IPCEF1: variants seen among roughly 807,000 people sequenced by gnomAD.
The protein encoded by IPCEF1 is interaction protein for cytohesin exchange factors 1, also known as interactor protein for cytohesin exchange factors 1.
In IPCEF1, 31 loss-of-function variants were observed where a neutral mutation model predicts 50.9. The ratio of observed to expected loss-of-function variants is 0.61; its 90% confidence interval spans 0.46 to 0.82. IPCEF1 has a LOEUF of 0.82. Ranked by LOEUF, IPCEF1 falls within the 40% of genes least tolerant of loss-of-function variation. IPCEF1 has a pLI of 0.00. For missense variants in IPCEF1, 458 were observed against 514.0 expected (o/e 0.89, Z 1.05); for synonymous variants, 181 against 192.0 (o/e 0.94, Z 0.47).
chr6:154,228,319 A>C (rs904713988), intron 5 of IPCEF1, among the ~76,000 whole-genome samples: 8 of 144,192 alleles, frequency 5.5e-5, no homozygotes, highest in African/African-American at 1.6e-4. Context: ...AAAAAAAAAA[A>C]GTTTCCTCCA....
chr6:154,205,824 C>T (rs1207269126), intron 9 of IPCEF1, among the ~76,000 whole-genome samples: 1 of 151,974 alleles, frequency 6.6e-6, no homozygotes, highest in Admixed American at 6.5e-5. Context: ...TTGATTATTC[C>T]TTCCTTTCTA....
At chr6:154,170,208 G>T (rs12210360) in intron 10 of IPCEF1, among the ~76,000 whole-genome samples, 23,138 of 152,164 alleles carry the variant, frequency 0.15, 2,046 homozygotes, top group East Asian at 0.41. Flanking sequence ...GCTTGGGAAA[G>T]AAATACAATG....
Position 154,160,294 on chromosome 6 carries a change from G to GC in IPCEF1, c.1105-255dup, listed in dbSNP as rs370745593. Among the ~76,000 whole-genome samples the GC allele has an allele frequency of 7.4e-3, 1,120 of 152,302 alleles. 8 individuals carry two copies. Among genetic ancestry groups the GC allele is most frequent in the African/African-American group, 0.026 (1,069 of 41,556 alleles). ...ACATATAGCAAAGATCTTCTATGTT[G>GC]CCTTTCCCTGATCAATCCATTATTC... On this transcript the variant is annotated intron_variant, in intron 11 of 11. Transcript: ENST00000367220.
chr6:154,232,726 G>A lies in IPCEF1; in HGVS notation c.247-9483C>T, dbSNP rs181728529. Among the ~76,000 whole-genome samples, 496 of 152,244 alleles carry A rather than the reference G, an allele frequency of 3.3e-3. 1 individual carries two copies. Among genetic ancestry groups the A allele is most frequent in the Non-Finnish European group, 4.8e-3 (327 of 68,018 alleles). Reference sequence around the variant, plus strand: ...ATGTAAGCCACATACTCTGACATCCGAGGCAGAGTACTTAACCTCTCTGAG... The same window carrying A: ...ATGTAAGCCACATACTCTGACATCCAAGGCAGAGTACTTAACCTCTCTGAG... On this transcript the variant is annotated intron_variant, in intron 5 of 11. Transcript: ENST00000367220.
chr6:154,200,478 T>G (rs933037689), intron 9 of IPCEF1, among the ~76,000 whole-genome samples: 9 of 152,310 alleles, frequency 5.9e-5, no homozygotes, highest in Non-Finnish European at 1.2e-4. Context: ...CCCAGCACTT[T>G]GGAAGACCGA....
chr6:154,290,907 T>TTTTTTTTTTTTA (rs1782498588), intron 1 of IPCEF1, among the ~76,000 whole-genome samples: 1 of 150,568 alleles, frequency 6.6e-6, no homozygotes, highest in Non-Finnish European at 1.5e-5. Flanking sequence ...TTTTTTTTTT[T>TTTTTTTTTTTTA]GAGACAGAGT....
At chr6:154,221,220 C>T (rs371978965) in intron 7 of IPCEF1, 37 bp downstream of exon 7, 6 of 1,486,488 alleles carry the variant, frequency 4.0e-6, no homozygotes, top group Non-Finnish European at 5.6e-6. Flanking sequence ...AAGTATATTC[C>T]CATTAAGGAT....
intron 1 of IPCEF1, among the ~76,000 whole-genome samples, chr6:154,315,703 AT>A (rs560170925): frequency 5.3e-4 from 80 of 152,286 alleles, no homozygotes; most frequent in African/African-American, 1.9e-3. Flanking sequence ...TGGCCCTGAG[AT>A]ACCAATCCCC....
At chr6:154,312,508 G>T (rs564146506) in intron 1 of IPCEF1, among the ~76,000 whole-genome samples, 18 of 152,026 alleles carry the variant, frequency 1.2e-4, no homozygotes, top group Admixed American at 1.1e-3. Context: ...CACCACACCC[G>T]GCTAATTTTT....
intron 1 of IPCEF1, among the ~76,000 whole-genome samples, chr6:154,318,943 T>A (rs1210001198): frequency 1.3e-5 from 2 of 152,180 alleles, no homozygotes; most frequent in Non-Finnish European, 2.9e-5. Context: ...AGGATAAATG[T>A]GAATGTTTGT....
chr6:154,343,377 G>A (rs1374264078), intron 1 of IPCEF1, among the ~76,000 whole-genome samples: 1 of 152,158 alleles, frequency 6.6e-6, no homozygotes, highest in African/African-American at 2.4e-5. Flanking sequence ...TCAATTAGTG[G>A]AAAGAAGATG....
intron 9 of IPCEF1, among the ~76,000 whole-genome samples, chr6:154,206,258 T>C (rs528667423): frequency 5.9e-5 from 9 of 152,374 alleles, no homozygotes; most frequent in Admixed American, 4.6e-4. Context: ...CTTCCTCATT[T>C]GTAAAACTCA....
chr6:154,159,591 C>T lies in IPCEF1; in HGVS notation c.*237G>A, dbSNP rs1227480949. 2 of 520,974 alleles carry T rather than the reference C, an allele frequency of 3.8e-6. No individual in the cohort carries two copies. Among genetic ancestry groups the T allele is most frequent in the South Asian group, 5.0e-5 (2 of 40,182 alleles). 32.3% of individuals were successfully genotyped at this position (520,974 alleles called of 1,614,324 possible). ...TCACCGTGAGCTCCCAGTAGGAACA[C>T]AAAAAACGCCTTTCAACTGAACTCA... On this transcript the variant is annotated 3_prime_UTR_variant, in exon 12 of 12. Coordinates refer to ENST00000367220, the MANE Select transcript of IPCEF1 (RefSeq NM_001130700.2).
At chr6:154,161,325 A>C (rs9397691) in intron 11 of IPCEF1, among the ~76,000 whole-genome samples, 101,387 of 151,262 alleles carry the variant, frequency 0.67, 34,585 homozygotes, top group East Asian at 0.89. Flanking sequence ...ATTCTCCTGC[A>C]TCAACCTCCC....
intron 9 of IPCEF1, among the ~76,000 whole-genome samples, chr6:154,211,857 T>G (rs1777990598): frequency 6.6e-6 from 1 of 151,872 alleles, no homozygotes; most frequent in Non-Finnish European, 1.5e-5. Context: ...GAATAATAAA[T>G]TAAGAAATCC....
At chr6:154,296,688 GCA>G (rs1782668312) in intron 1 of IPCEF1, among the ~76,000 whole-genome samples, 2 of 151,982 alleles carry the variant, frequency 1.3e-5, no homozygotes, top group Non-Finnish European at 2.9e-5. Context: ...AATTAGCCAG[GCA>G]TGGTGGCGGG....
At chr6:154,348,217 T>G (rs2128700917) in intron 1 of IPCEF1, among the ~76,000 whole-genome samples, 1 of 152,282 alleles carries the variant, frequency 6.6e-6, no homozygotes. Flanking sequence ...GGCTCAAACC[T>G]TGCTCCACAG....
At chr6:154,239,852 T>G (rs1969518) in intron 5 of IPCEF1, among the ~76,000 whole-genome samples, 5,248 of 152,314 alleles carry the variant, frequency 0.034, 323 homozygotes, top group African/African-American at 0.12. Context: ...TACAGGCATA[T>G]CCACCACGCT....
In IPCEF1 at chr6:154,307,247, T is replaced by C. The variant is rs528869006; in HGVS notation, c.-61-17491A>G. Among the ~76,000 whole-genome samples, 4 of 152,234 alleles carry C rather than the reference T, an allele frequency of 2.6e-5. No individual in the cohort carries two copies. The South Asian group carries it at 8.3e-4, about 32-fold the overall frequency. On this transcript the variant is annotated intron_variant, in intron 1 of 11. Transcript: ENST00000367220. Reference sequence around the variant, plus strand: ...ATGACTGAATCATGGGGTGGGGTCTTTCCTGTGCTGTTCTCATGATAGTGA... The same window carrying C: ...ATGACTGAATCATGGGGTGGGGTCTCTCCTGTGCTGTTCTCATGATAGTGA...
Sources: allele counts gnomAD v4.1 joint callset (sites outside exome capture counted in the v4.1 genomes callset), GRCh38; gene constraint gnomAD v4.1.1; transcripts MANE v1.5; gene names NCBI Gene and HGNC (gene_info 2026-07-23, HGNC 2026-07-21).